The following DET1 variants were observed in gnomAD, a reference collection of about 807,000 sequenced individuals.
The protein encoded by DET1 is DET1 partner of COP1 E3 ubiquitin ligase.
A neutral mutation model predicts 43.7 loss-of-function variants in DET1; 22 were observed. That is an observed-to-expected ratio of 0.50 (90% CI 0.36 to 0.72). The LOEUF is 0.72. Among genes scored for constraint, DET1 ranks in the 30% least tolerant of loss-of-function variants. DET1 has a pLI of 0.00. For missense variants in DET1, 713 were observed against 713.3 expected, an observed-to-expected ratio of 1.00 and a Z score of 0.00; for synonymous variants, 315 against 266.2, an observed-to-expected ratio of 1.18 and a Z score of -1.79.
At chr15:88,543,417 G>T (rs2057163758) in intron 1 of DET1, among the ~76,000 whole-genome samples, 1 of 152,196 alleles carries the variant, frequency 6.6e-6, no homozygotes, top group South Asian at 2.1e-4. Context: ...TATCAGAGTT[G>T]TTGAATCAGC....
chr15:88,537,047 G>GTAATATATATA lies in DET1; in HGVS notation c.-10-5333_-10-5332insTATATATATTA, dbSNP rs1376212750. 2.0e-5 allele frequency among the ~76,000 whole-genome samples: 3 copies of GTAATATATATA among 152,148 alleles called. No individual in the cohort carries two copies. The South Asian group carries it at 6.2e-4, about 32-fold the overall frequency. On this transcript the variant is annotated intron_variant, in intron 1 of 4. Coordinates refer to ENST00000268148, the MANE Select transcript of DET1 (RefSeq NM_001144074.3). ...AAAAGGTTCCAAATGCCTTATATAAGTATATATAATACCCAGTCAAGTTAA... is the reference window on the plus strand; with the variant it reads ...AAAAGGTTCCAAATGCCTTATATAAGTAATATATATATATATATAATACCCAGTCAAGTTAA...
chr15:88,536,921 A>G (rs952659046), intron 1 of DET1, among the ~76,000 whole-genome samples: 3 of 152,178 alleles, frequency 2.0e-5, no homozygotes, highest in Non-Finnish European at 2.9e-5. Flanking sequence ...GTGATAAGAG[A>G]GGCCTAGAAA....
chr15:88,502,073 T>C (rs2056094223), intron 8 of DET1: 1 of 152,202 alleles, frequency 6.6e-6, no homozygotes, highest in Non-Finnish European at 1.5e-5. Context: ...CCTCACCTCC[T>C]CTAATCCTGC....
At chr15:88,518,716 A>G (rs1165725944) in intron 3 of DET1, among the ~76,000 whole-genome samples, 2 of 152,198 alleles carry the variant, frequency 1.3e-5, no homozygotes, top group Admixed American at 6.5e-5. Context: ...TTAGTCTGGG[A>G]GAAAAGTATA....
At chr15:88,538,576 C>T (rs1407905181) in intron 1 of DET1, among the ~76,000 whole-genome samples, 3 of 152,148 alleles carry the variant, frequency 2.0e-5, no homozygotes, top group African/African-American at 4.8e-5. Flanking sequence ...TCTCGGTCAC[C>T]GGCTAGTAAA....
intron 1 of DET1, among the ~76,000 whole-genome samples, chr15:88,542,184 G>A (rs1247310350): frequency 2.0e-5 from 3 of 152,116 alleles, no homozygotes; most frequent in Non-Finnish European, 4.4e-5. Flanking sequence ...CTGAGGAGAG[G>A]GAGCGCATCT....
chr15:88,533,075 C>A (rs887686241), intron 1 of DET1, among the ~76,000 whole-genome samples: 1 of 152,108 alleles, frequency 6.6e-6, no homozygotes, highest in African/African-American at 2.4e-5. Flanking sequence ...ATATAAAGAA[C>A]TCCTATAACT....
chr15:88,517,826 G>C (rs1459560745), intron 3 of DET1, among the ~76,000 whole-genome samples: 2 of 152,202 alleles, frequency 1.3e-5, no homozygotes, highest in African/African-American at 4.8e-5. Flanking sequence ...TTCCTGCAGA[G>C]ACACCAGTAT....
At chr15:88,507,716 C>A (rs529948048), downstream of DET1, among the ~76,000 whole-genome samples, 8 of 152,282 alleles carry the variant, frequency 5.3e-5, no homozygotes, top group East Asian at 3.9e-4. Context: ...TATCCAGTGC[C>A]CTATGAGCGT....
At chr15:88,533,689 A>T (rs1185412450) in intron 1 of DET1, among the ~76,000 whole-genome samples, 2 of 152,030 alleles carry the variant, frequency 1.3e-5, no homozygotes, top group Non-Finnish European at 2.9e-5. Context: ...CAAACAGACA[A>T]ATACTGTATG....
At position 88,531,097 on chromosome 15, in the gene DET1, T is replaced by C. The variant is rs778798829; in HGVS notation, c.609A>G (p.Leu203=). ...LHIIDLHTGR[L]CDTRTFKCDK... is the part of the protein sequence containing the mutation. ...CACACTTGAACGTGCGTGTATCACA[T>C]AAGCGGCCGGTGTGAAGGTCAATGA... Residue 203 remains leucine (L), a synonymous_variant, in exon 2 of 5, where the codon TTA becomes TTG. Coordinates refer to ENST00000268148, the MANE Select transcript of DET1 (RefSeq NM_001144074.3). This position sits in a 1 kb window ranked among gnomAD's most constrained non-coding sequence, Gnocchi z 6.2. 2.0e-5 allele frequency: 32 copies of C among 1,613,828 alleles called. No homozygotes were observed. In the South Asian group the frequency reaches 3.5e-4, roughly 18 times the overall value.
At chr15:88,510,973 C>G (rs771403005), downstream of DET1, among the ~76,000 whole-genome samples, 1 of 151,994 alleles carries the variant, frequency 6.6e-6, no homozygotes, top group African/African-American at 2.4e-5. Flanking sequence ...AGGGTTTCAC[C>G]GTGTTAGCCA....
At chr15:88,522,941 G>C (rs140094254) in intron 3 of DET1, among the ~76,000 whole-genome samples, 14 of 149,552 alleles carry the variant, frequency 9.4e-5, no homozygotes, top group Non-Finnish European at 1.9e-4. Flanking sequence ...GAATGCAGTA[G>C]CTTGATCTCG....
In DET1 at chr15:88,516,223, A is replaced by G. The variant is rs2056341309; in HGVS notation, c.1463+559T>C. Reference sequence around the variant, plus strand: ...TATTACAGCACACAGAACAGGCTCCATATATGTAGTGACAGTTGGGTCTGT... The same window carrying G: ...TATTACAGCACACAGAACAGGCTCCGTATATGTAGTGACAGTTGGGTCTGT... On this transcript the variant is annotated intron_variant, in intron 4 of 4. Transcript: ENST00000268148. This position sits in a 1 kb window ranked among gnomAD's most constrained non-coding sequence, Gnocchi z 4.4. Among the ~76,000 whole-genome samples the G allele has an allele frequency of 6.6e-6, 1 of 152,204 alleles. No homozygotes were observed.
intron 3 of DET1, among the ~76,000 whole-genome samples, chr15:88,526,225 A>G (rs2056658786): frequency 6.6e-6 from 1 of 152,184 alleles, no homozygotes; most frequent in Non-Finnish European, 1.5e-5. Context: ...CTGCATTAAG[A>G]GATATGTTTT....
chr15:88,537,682 T>A (rs1160870146), intron 1 of DET1, among the ~76,000 whole-genome samples: 1 of 152,198 alleles, frequency 6.6e-6, no homozygotes, highest in Non-Finnish European at 1.5e-5. Flanking sequence ...ATATTCTGTA[T>A]GCTCATCACA....
intron 2 of DET1, among the ~76,000 whole-genome samples, chr15:88,528,381 GCAAGTTGTATA>G (rs1186776547): frequency 6.6e-6 from 1 of 152,130 alleles, no homozygotes; most frequent in Non-Finnish European, 1.5e-5. Flanking sequence ...AACTGCCCTG[GCAAGTTGTATA>G]CAAGCAGGGT....
chr15:88,530,757 T>C lies in DET1; in HGVS notation c.949A>G (p.Arg317Gly). ...TGGTCAAAATACTGGAAGAAGCGCCTCTTGGCCATTGCACTACCATCCTGT... is the reference window on the plus strand; with the variant it reads ...TGGTCAAAATACTGGAAGAAGCGCCCCTTGGCCATTGCACTACCATCCTGT... ...AEQDGSAMAK[R>G]RFFQYFDQLR... Residue 317 changes from arginine (R) to glycine (G), a missense_variant, in exon 2 of 5, where the codon AGG (arginine) becomes GGG (glycine). Transcript: ENST00000268148. The C allele has an allele frequency of 2.5e-6, 4 of 1,613,942 alleles. No individual in the cohort carries two copies. The highest frequency in any genetic ancestry group is 3.4e-6 in the Non-Finnish European group (4 of 1,179,852).
At chr15:88,542,858 A>G (rs1346576379) in intron 1 of DET1, among the ~76,000 whole-genome samples, 1 of 152,196 alleles carries the variant, frequency 6.6e-6, no homozygotes, top group Non-Finnish European at 1.5e-5. Context: ...TATTGCAAGC[A>G]GACTAGGCAC....
Sources: gnomAD v4.1 joint callset for allele counts (sites outside exome capture counted in the v4.1 genomes callset) on GRCh38, gnomAD v4.1.1 for gene constraint, Gnocchi (gnomAD v3.1) non-coding constraint, MANE v1.5 for transcripts, NCBI Gene and HGNC (gene_info 2026-07-23, HGNC 2026-07-21) for gene names.